SEMA6D: variants seen among roughly 807,000 people sequenced by gnomAD.
The protein encoded by SEMA6D is semaphorin-6D.
In SEMA6D, 35 loss-of-function variants were observed where a neutral mutation model predicts 106.6. That is an observed-to-expected ratio of 0.33 (90% CI 0.25 to 0.44). SEMA6D has a LOEUF of 0.44. SEMA6D is among the 20% of genes least tolerant of loss of function. The pLI, the probability that SEMA6D is intolerant of heterozygous loss-of-function variation, is 1.00. For synonymous variants in SEMA6D, 499 were observed against 487.7 expected (o/e 1.02, Z -0.31); for missense variants, 1,185 against 1,345.9 (o/e 0.88, Z 1.87).
intron 3 of SEMA6D, among the ~76,000 whole-genome samples, chr15:47,483,043 CAAAT>C (rs1430752617): frequency 6.6e-6 from 1 of 151,934 alleles, no homozygotes; most frequent in African/African-American, 2.4e-5. Context: ...AATGATATAA[CAAAT>C]AATCAATAGT....
At chr15:47,655,308 G>T (rs1349345547) in intron 4 of SEMA6D, among the ~76,000 whole-genome samples, 2 of 152,176 alleles carry the variant, frequency 1.3e-5, no homozygotes, top group African/African-American at 2.4e-5. Flanking sequence ...GGCCAGCTTT[G>T]GACATTTATG....
At chr15:47,318,795 G>C (rs1467575843) in intron 1 of SEMA6D, among the ~76,000 whole-genome samples, 1 of 145,756 alleles carries the variant, frequency 6.9e-6, no homozygotes, top group Non-Finnish European at 1.5e-5. Flanking sequence ...TAATGGGATG[G>C]CTGGGTCAAA....
intron 1 of SEMA6D, among the ~76,000 whole-genome samples, chr15:47,355,193 G>A (rs899664808): frequency 6.6e-6 from 1 of 152,084 alleles, no homozygotes; most frequent in Non-Finnish European, 1.5e-5. Flanking sequence ...CAGAAGGAAA[G>A]GGGTAATGAA....
At chr15:47,358,526 T>C (rs1395327122) in intron 1 of SEMA6D, among the ~76,000 whole-genome samples, 1 of 152,226 alleles carries the variant, frequency 6.6e-6, no homozygotes, top group Non-Finnish European at 1.5e-5. Context: ...AGGAATGAAC[T>C]GTGATGGTAG....
At chr15:47,558,080 C>T (rs1212852887) in intron 3 of SEMA6D, among the ~76,000 whole-genome samples, 6 of 152,234 alleles carry the variant, frequency 3.9e-5, no homozygotes, top group Non-Finnish European at 8.8e-5. Flanking sequence ...TTACTGGACA[C>T]ATCATTTCAC....
intron 3 of SEMA6D, among the ~76,000 whole-genome samples, chr15:47,498,725 A>G (rs1181776088): frequency 4.6e-5 from 7 of 152,150 alleles, no homozygotes; most frequent in Admixed American, 4.6e-4. Flanking sequence ...GCGCTGGAGA[A>G]CATCTCAAAG....
intron 2 of SEMA6D, among the ~76,000 whole-genome samples, chr15:47,431,883 T>C (rs980410324): frequency 2.0e-5 from 3 of 152,144 alleles, no homozygotes; most frequent in Non-Finnish European, 4.4e-5. Flanking sequence ...TAAATAAGCC[T>C]CTTATTTATT....
chr15:47,620,743 AT>A (rs1489803975), intron 4 of SEMA6D, among the ~76,000 whole-genome samples: 2 of 150,732 alleles, frequency 1.3e-5, no homozygotes, highest in African/African-American at 2.4e-5. Context: ...TTGTGCAAAT[AT>A]TTTATTGTGA....
chr15:47,352,012 C>T lies in SEMA6D; in HGVS notation c.-238-60381C>T, dbSNP rs149606069. 1.1e-4 allele frequency among the ~76,000 whole-genome samples: 17 copies of T among 152,206 alleles called. No individual in the cohort carries two copies. In the East Asian group the frequency reaches 3.3e-3, roughly 29 times the overall value. On this transcript the variant is annotated intron_variant, in intron 1 of 19. Transcript: ENST00000558014. ...GATCTGAAAATAAATAAGAACTGTC[C>T]TCTTGCTGAAGGAGTAAATGCCTTT...
intron 3 of SEMA6D, among the ~76,000 whole-genome samples, chr15:47,560,484 G>A (rs991797034): frequency 6.6e-6 from 1 of 152,008 alleles, no homozygotes; most frequent in Non-Finnish European, 1.5e-5. Context: ...GAAAAATAAA[G>A]TATGAAGTTG....
chr15:47,360,630 C>T (rs1179432857), intron 1 of SEMA6D, among the ~76,000 whole-genome samples: 1 of 152,170 alleles, frequency 6.6e-6, no homozygotes, highest in African/African-American at 2.4e-5. Flanking sequence ...TGTCCTGTTT[C>T]AGGAAAACTC....
chr15:47,342,466 T>C (rs2144530501), intron 1 of SEMA6D, among the ~76,000 whole-genome samples: 1 of 152,370 alleles, frequency 6.6e-6, no homozygotes, highest in Admixed American at 6.5e-5. Flanking sequence ...GAATAAGTTC[T>C]GCAAATCTGT....
At chr15:47,592,664 T>C (rs1202413984) in intron 3 of SEMA6D, among the ~76,000 whole-genome samples, 1 of 152,142 alleles carries the variant, frequency 6.6e-6, no homozygotes, top group African/African-American at 2.4e-5. Flanking sequence ...CCTATGAAAA[T>C]TGCATAAATA....
chr15:47,725,172 T>C (rs1347328957), intron 1 of SEMA6D, among the ~76,000 whole-genome samples: 1 of 152,186 alleles, frequency 6.6e-6, no homozygotes, highest in East Asian at 1.9e-4. Context: ...ACCATGCTCA[T>C]ATGAGTTGGA....
chr15:47,445,069 A>T (rs1204271371), intron 2 of SEMA6D, among the ~76,000 whole-genome samples: 1 of 152,046 alleles, frequency 6.6e-6, no homozygotes, highest in African/African-American at 2.4e-5. Context: ...CTCTCCAATC[A>T]TCCCCAGCCA....
chr15:47,389,273 T>C (rs1282742080), intron 1 of SEMA6D, among the ~76,000 whole-genome samples: 2 of 152,218 alleles, frequency 1.3e-5, no homozygotes, highest in African/African-American at 4.8e-5. Flanking sequence ...CTGGCACATA[T>C]TAAGCATCAT....
intron 1 of SEMA6D, chr15:47,730,607 T>C (rs1168370894): frequency 6.4e-7 from 1 of 1,565,502 alleles, no homozygotes; most frequent in African/African-American, 1.4e-5. Flanking sequence ...CAACAGTCTC[T>C]GCTTCTTCTC....
intron 2 of SEMA6D, among the ~76,000 whole-genome samples, chr15:47,428,093 AAG>A (rs1055173906): frequency 1.3e-5 from 2 of 152,132 alleles, no homozygotes; most frequent in African/African-American, 4.8e-5. Context: ...AATGTAAAAA[AAG>A]AGAGAAGAAG....
At chr15:47,516,155 C>T (rs1212042483) in intron 3 of SEMA6D, among the ~76,000 whole-genome samples, 1 of 152,096 alleles carries the variant, frequency 6.6e-6, no homozygotes, top group Non-Finnish European at 1.5e-5. Context: ...TATAATGACT[C>T]TGCACATCCT....
Sources: gnomAD v4.1 joint callset for allele counts (sites outside exome capture counted in the v4.1 genomes callset) on GRCh38, gnomAD v4.1.1 for gene constraint, MANE v1.5 for transcripts, NCBI Gene and HGNC (gene_info 2026-07-23, HGNC 2026-07-21) for gene names.